The following SSR3 variants were observed in gnomAD, a reference collection of about 807,000 sequenced individuals.
SSR3 encodes translocon-associated protein subunit gamma.
Under a neutral mutation model 22.1 loss-of-function variants are expected in SSR3, and 10 were observed. The ratio of observed to expected loss-of-function variants is 0.45; its 90% confidence interval spans 0.28 to 0.77. The LOEUF (loss-of-function observed/expected upper bound fraction) is 0.77, where lower values mean the gene tolerates loss of function less well. SSR3 is among the 30% of genes least tolerant of loss of function. The pLI is 0.13. For synonymous variants in SSR3, 104 were observed against 82.5 expected (o/e 1.26, Z -1.42); for missense variants, 181 against 220.5 (o/e 0.82, Z 1.13).
Position 156,542,975 on chromosome 3 carries a change from C to G in SSR3, c.*228G>C. On this transcript the variant is annotated 3_prime_UTR_variant, in exon 5 of 5. Transcript: ENST00000265044. ...ACAGCACATTGCAAGACATTTTTTT[C>G]CTTTTAATAAACGTCCTAGTACTCT... is the stretch of plus-strand genomic sequence containing the variant. The G allele has an allele frequency of 2.3e-6, 1 of 434,886 alleles. No individual in the cohort carries two copies. The highest frequency in any genetic ancestry group is 4.1e-6 in the Non-Finnish European group (1 of 245,076). 26.9% of individuals were successfully genotyped at this position (434,886 alleles called of 1,614,324 possible). A position where few individuals can be genotyped will look rare whatever the true frequency, so the allele number is the denominator to read the frequency against.
chr3:156,544,252 A>G (rs1219296934), intron 4 of SSR3, 56 bp downstream of exon 4: 1 of 1,435,182 alleles, frequency 7.0e-7, no homozygotes, highest in Admixed American at 2.5e-5. Context: ...GTCAAAACCA[A>G]AATGAACTAC....
intron 1 of SSR3, 123 bp from the exon 2 acceptor site, chr3:156,553,904 C>A: frequency 2.2e-6 from 2 of 908,290 alleles, no homozygotes; most frequent in Non-Finnish European, 3.2e-6. Flanking sequence ...GTTATGCAAT[C>A]CAATAGTATC....
chr3:156,547,166 C>T (rs1719796508), intron 3 of SSR3, among the ~76,000 whole-genome samples: 1 of 152,178 alleles, frequency 6.6e-6, no homozygotes, highest in Admixed American at 6.5e-5. Flanking sequence ...TGACACTCTG[C>T]ACTTATATAT....
chr3:156,549,872 T>TA (rs1320781745), intron 2 of SSR3, among the ~76,000 whole-genome samples: 2 of 151,954 alleles, frequency 1.3e-5, no homozygotes, highest in African/African-American at 4.8e-5. Flanking sequence ...AAACCTAAAG[T>TA]AAAAGGCTGC....
chr3:156,548,495 C>A (rs111427179), intron 3 of SSR3, among the ~76,000 whole-genome samples: 1 of 152,200 alleles, frequency 6.6e-6, no homozygotes, highest in Non-Finnish European at 1.5e-5. Flanking sequence ...CTGCTCTGTA[C>A]AAAGCTCTGT....
In SSR3 at chr3:156,554,969, C is replaced by A; in HGVS notation, c.121G>T (p.Ala41Ser). The change falls in exon 1 of 5, where the codon GCC becomes TCC. Residue 41 changes from alanine to serine, a missense_variant. Transcript: ENST00000265044. ...LFFGNAFIVSAIPIWLYWRIW... is the reference protein window; with the variant it reads ...LFFGNAFIVSSIPIWLYWRIW... ...TCCCAGCACTCACAGATGGGGATGGCAGACACGATGAACGCGTTTCCGAAG... is the reference window on the plus strand; with the variant it reads ...TCCCAGCACTCACAGATGGGGATGGAAGACACGATGAACGCGTTTCCGAAG... The A allele has an allele frequency of 6.2e-7, 1 of 1,613,746 alleles. No homozygotes were observed. Among genetic ancestry groups the A allele is most frequent in the Non-Finnish European group, 8.5e-7 (1 of 1,179,858 alleles).
chr3:156,548,381 A>T (rs1719834273), intron 3 of SSR3, among the ~76,000 whole-genome samples: 1 of 152,236 alleles, frequency 6.6e-6, no homozygotes, highest in Non-Finnish European at 1.5e-5. Context: ...CGGGAAGCTC[A>T]GGAACAGAAA....
intron 2 of SSR3, among the ~76,000 whole-genome samples, chr3:156,552,991 T>C (rs1720017417): frequency 6.6e-6 from 1 of 151,288 alleles, no homozygotes; most frequent in South Asian, 2.1e-4. Flanking sequence ...TTACATTTTA[T>C]ACACTTGTAT....
chr3:156,553,821 A>T (rs1485042651), intron 1 of SSR3, 40 bp from the exon 2 acceptor site: 1 of 1,568,326 alleles, frequency 6.4e-7, no homozygotes, highest in Non-Finnish European at 8.6e-7. Flanking sequence ...AAAAAGAAGC[A>T]AAACATTACA....
intron 3 of SSR3, 62 bp from the exon 4 acceptor site, chr3:156,544,501 C>T (rs1356140547): frequency 7.4e-7 from 1 of 1,354,490 alleles, no homozygotes; most frequent in African/African-American, 1.5e-5. Flanking sequence ...CTTTTAAGTA[C>T]CATATGGCTC....
rs1198267287 is a variant in SSR3, at chr3:156,541,914, T to G, written c.*1289A>C. 1 of 152,176 alleles carries G rather than the reference T, an allele frequency of 6.6e-6. No homozygotes were observed. Among genetic ancestry groups the G allele is most frequent in the Non-Finnish European group, 1.5e-5 (1 of 68,034 alleles). 9.4% of individuals were successfully genotyped at this position (152,176 alleles called of 1,614,324 possible). ...ACATCCGATAGCATGGAAGTGGAAGTTAAACTCCCGATGAATAATTTTTAT... is the reference window on the plus strand; with the variant it reads ...ACATCCGATAGCATGGAAGTGGAAGGTAAACTCCCGATGAATAATTTTTAT... On this transcript the variant is annotated 3_prime_UTR_variant, in exon 5 of 5. Coordinates refer to ENST00000265044, the MANE Select transcript of SSR3 (RefSeq NM_007107.5).
chr3:156,553,846 G>A, intron 1 of SSR3, 65 bp from the exon 2 acceptor site: 1 of 1,497,120 alleles, frequency 6.7e-7, no homozygotes. Flanking sequence ...CGCAACAAAA[G>A]CCTGCGAAAT....
chr3:156,552,808 TAATA>T (rs1720009807), intron 2 of SSR3, among the ~76,000 whole-genome samples: 1 of 152,138 alleles, frequency 6.6e-6, no homozygotes, highest in Non-Finnish European at 1.5e-5. Flanking sequence ...CGCTGAGAAA[TAATA>T]AATGTTACCA....
chr3:156,554,855 C>CG (rs1720093583), intron 1 of SSR3, 102 bp downstream of exon 1: 1 of 1,457,948 alleles, frequency 6.9e-7, no homozygotes, highest in Non-Finnish European at 9.2e-7. Flanking sequence ...TGCCGACCCC[C>CG]GGCCGGCACC....
chr3:156,544,799 G>C (rs1719702587), intron 3 of SSR3, among the ~76,000 whole-genome samples: 1 of 152,172 alleles, frequency 6.6e-6, no homozygotes, highest in Admixed American at 6.5e-5. Context: ...GCAGCCTGTG[G>C]AGTTTCCTTG....
At chr3:156,547,352 C>CT (rs1237323492) in intron 3 of SSR3, among the ~76,000 whole-genome samples, 3 of 152,180 alleles carry the variant, frequency 2.0e-5, no homozygotes, top group Non-Finnish European at 4.4e-5. Context: ...CTGCCCAAGA[C>CT]TGCAGTGGGC....
At chr3:156,552,598 C>T (rs1291362092) in intron 2 of SSR3, among the ~76,000 whole-genome samples, 3 of 152,122 alleles carry the variant, frequency 2.0e-5, no homozygotes, top group African/African-American at 4.8e-5. Flanking sequence ...AAAGTATGTT[C>T]GTACTAAGTC....
chr3:156,544,138 C>G, intron 4 of SSR3, 170 bp downstream of exon 4: 1 of 470,738 alleles, frequency 2.1e-6, no homozygotes, highest in Non-Finnish European at 3.6e-6. Flanking sequence ...GAATCTTAAA[C>G]CAATAGCTGT....
chr3:156,544,530 G>T, intron 3 of SSR3, 91 bp from the exon 4 acceptor site: 2 of 1,083,192 alleles, frequency 1.8e-6, no homozygotes, highest in Non-Finnish European at 2.5e-6. Flanking sequence ...CATAAAACAA[G>T]TTTTTCCTTG....
Sources: gnomAD v4.1 joint callset for allele counts (sites outside exome capture counted in the v4.1 genomes callset) on GRCh38, gnomAD v4.1.1 for gene constraint, MANE v1.5 for transcripts, NCBI Gene and HGNC (gene_info 2026-07-23, HGNC 2026-07-21) for gene names.